The following TNS3 variants were observed in gnomAD, a reference collection of about 807,000 sequenced individuals.
The protein encoded by TNS3 is tensin 3, also known as tensin-3.
In TNS3, 45 loss-of-function variants were observed where a neutral mutation model predicts 140.9. The observed-to-expected ratio is 0.32, with a 90% CI of 0.25 to 0.41. TNS3 has a LOEUF of 0.41. TNS3 is among the 10% of genes least tolerant of loss of function. The probability of loss-of-function intolerance (pLI) is 1.00; values close to 1 mark genes in which losing one functional copy is unlikely to be tolerated. For missense variants in TNS3, 1,716 were observed against 1,906.7 expected (o/e 0.90, Z 1.86); for synonymous variants, 815 against 788.4 (o/e 1.03, Z -0.56).
At chr7:47,466,389 G>T (rs112856572) in intron 4 of TNS3, among the ~76,000 whole-genome samples, 66 of 152,098 alleles carry the variant, frequency 4.3e-4, no homozygotes, top group African/African-American at 1.6e-3. Context: ...CAGATGATCC[G>T]CCTGCCTTGG....
intron 1 of TNS3, among the ~76,000 whole-genome samples, chr7:47,575,284 T>C (rs915815790): frequency 2.0e-5 from 3 of 152,168 alleles, no homozygotes; most frequent in African/African-American, 4.8e-5. Flanking sequence ...TACTGCCACA[T>C]TGACTTTAAA....
At chr7:47,581,180 C>T (rs934634934) in intron 1 of TNS3, among the ~76,000 whole-genome samples, 10 of 152,088 alleles carry the variant, frequency 6.6e-5, no homozygotes, top group Non-Finnish European at 1.3e-4. Flanking sequence ...ACCCGGGACT[C>T]ACATGTCAGG....
At chr7:47,519,587 C>T (rs1217103754) in intron 2 of TNS3, among the ~76,000 whole-genome samples, 1 of 152,182 alleles carries the variant, frequency 6.6e-6, no homozygotes, top group African/African-American at 2.4e-5. Flanking sequence ...TTCTTTGTCC[C>T]TCACTAGCCC....
chr7:47,495,426 G>A (rs952823895), intron 3 of TNS3, among the ~76,000 whole-genome samples: 17 of 152,152 alleles, frequency 1.1e-4, no homozygotes, highest in African/African-American at 4.1e-4. Context: ...GCACGAGACA[G>A]AGTGGGGTAT....
chr7:47,441,918 A>C, intron 5 of TNS3, 85 bp downstream of exon 5: 1 of 999,178 alleles, frequency 1.0e-6, no homozygotes, highest in Non-Finnish European at 1.4e-6. Context: ...CTACAGAAGA[A>C]AATGATGCCA....
intron 7 of TNS3, 85 bp from the exon 8 acceptor site, chr7:47,435,489 T>G: frequency 1.3e-6 from 2 of 1,579,634 alleles, no homozygotes. Context: ...TCATCATCAG[T>G]ACATTTCATT....
intron 3 of TNS3, among the ~76,000 whole-genome samples, chr7:47,500,789 T>C (rs1390366437): frequency 1.3e-5 from 2 of 152,168 alleles, no homozygotes; most frequent in Non-Finnish European, 2.9e-5. Context: ...ATGAAAAACG[T>C]ATTGGTCCTG....
intron 2 of TNS3, among the ~76,000 whole-genome samples, chr7:47,526,735 C>T (rs1233672876): frequency 1.3e-5 from 2 of 152,356 alleles, no homozygotes; most frequent in East Asian, 3.9e-4. Flanking sequence ...CCTGCTGATG[C>T]CATGCTGCTC....
At chr7:47,279,539 C>T (rs554459156) in intron 30 of TNS3, 3 of 155,194 alleles carry the variant, frequency 1.9e-5, no homozygotes, top group African/African-American at 7.2e-5. Flanking sequence ...CCCGTCTCTA[C>T]TAAATACAAA....
At chr7:47,540,586 C>T (rs984298878) in intron 1 of TNS3, among the ~76,000 whole-genome samples, 4 of 152,142 alleles carry the variant, frequency 2.6e-5, no homozygotes, top group Non-Finnish European at 5.9e-5. Flanking sequence ...AGAGGAAATA[C>T]AGCGGCTGGC....
At chr7:47,323,622 ACATCATC>A (rs1222343456) in intron 20 of TNS3, among the ~76,000 whole-genome samples, 1 of 152,256 alleles carries the variant, frequency 6.6e-6, no homozygotes, top group East Asian at 1.9e-4. Flanking sequence ...CAACTAGCAG[ACATCATC>A]ACATGTGGTA....
intron 4 of TNS3, among the ~76,000 whole-genome samples, chr7:47,458,444 T>C (rs370568980): frequency 6.6e-6 from 1 of 152,268 alleles, no homozygotes; most frequent in African/African-American, 2.4e-5. Context: ...CTGTGCCTCC[T>C]GGATGCCCCA....
intron 23 of TNS3, among the ~76,000 whole-genome samples, chr7:47,299,536 C>A (rs1786260901): frequency 6.6e-6 from 1 of 152,166 alleles, no homozygotes; most frequent in African/African-American, 2.4e-5. Flanking sequence ...AGTCATGGTT[C>A]TACTTCTCTG....
At chr7:47,376,802 G>A (rs1791418698) in intron 16 of TNS3, among the ~76,000 whole-genome samples, 1 of 151,138 alleles carries the variant, frequency 6.6e-6, no homozygotes, top group South Asian at 2.1e-4. Context: ...TAAGTGCTTT[G>A]TGCTTTCCTC....
intron 24 of TNS3, among the ~76,000 whole-genome samples, chr7:47,295,184 G>T (rs1785936050): frequency 6.6e-6 from 1 of 152,134 alleles, no homozygotes; most frequent in Non-Finnish European, 1.5e-5. Context: ...CCCCTATTTT[G>T]TTCCTTTCAT....
intron 2 of TNS3, among the ~76,000 whole-genome samples, chr7:47,518,564 G>A (rs909232998): frequency 5.3e-5 from 8 of 152,166 alleles, no homozygotes; most frequent in South Asian, 2.1e-4. Context: ...CACAGAGGCC[G>A]ACGCCTGAAT....
At chr7:47,499,046 G>A (rs757066606) in intron 3 of TNS3, among the ~76,000 whole-genome samples, 3 of 152,238 alleles carry the variant, frequency 2.0e-5, no homozygotes, top group Non-Finnish European at 4.4e-5. Context: ...CTCTGATTGA[G>A]GCTCAGATTA....
chr7:47,483,057 G>A (rs1797481596), intron 3 of TNS3, among the ~76,000 whole-genome samples: 1 of 152,170 alleles, frequency 6.6e-6, no homozygotes, highest in Non-Finnish European at 1.5e-5. Flanking sequence ...GAATCCTAAT[G>A]TAAACCGAGG....
chr7:47,303,155 G>A lies in TNS3; in HGVS notation c.3252C>T (p.Gly1084=), dbSNP rs778455898. 6 of 1,613,976 alleles carry A rather than the reference G, an allele frequency of 3.7e-6. No homozygotes were observed. Among genetic ancestry groups the A allele is most frequent in the East Asian group, 2.2e-5 (1 of 44,878 alleles). ...GCAGGGTCACACCCTGGCCCTGCAG[G>A]CCTGGACTGTGGTGGCTGCTGTGTC... The part of the protein sequence containing the change: ...APGHSSHHSP[G]LQGQGVTLPG... Residue 1084 remains glycine (G), a synonymous_variant, in exon 22 of 31, where the codon GGC becomes GGT. Transcript: ENST00000311160.
Sources: gnomAD v4.1 joint callset for allele counts (sites outside exome capture counted in the v4.1 genomes callset) on GRCh38, gnomAD v4.1.1 for gene constraint, MANE v1.5 for transcripts, NCBI Gene and HGNC (gene_info 2026-07-23, HGNC 2026-07-21) for gene names.